KCNIP3: variants seen among roughly 807,000 people sequenced by gnomAD.
KCNIP3 encodes potassium voltage-gated channel interacting protein 3, also known as calsenilin.
KCNIP3 carries 28 observed loss-of-function variants against 35.0 expected under a neutral mutation model. The ratio of observed to expected loss-of-function variants is 0.80; its 90% CI spans 0.59 to 1.10. The LOEUF (loss-of-function observed/expected upper bound fraction) is 1.10, where lower values mean the gene tolerates loss of function less well. Among genes scored for constraint, KCNIP3 ranks in the 50% least tolerant of loss-of-function variants. The probability of loss-of-function intolerance (pLI) is 0.00; values close to 1 mark genes in which losing one functional copy is unlikely to be tolerated. For missense variants in KCNIP3, 295 were observed against 338.4 expected (o/e 0.87, Z 1.01); for synonymous variants, 134 against 133.8 (o/e 1.00, Z -0.01).
intron 2 of KCNIP3, chr2:95,346,692 C>A (rs1028642270): frequency 6.8e-5 from 10 of 146,614 alleles, no homozygotes; most frequent in African/African-American, 2.2e-4. Context: ...ATGGAGGCGC[C>A]GCTGGCCCGC....
intron 5 of KCNIP3, among the ~76,000 whole-genome samples, chr2:95,381,142 G>A (rs756807860): frequency 6.6e-6 from 1 of 152,156 alleles, no homozygotes; most frequent in Non-Finnish European, 1.5e-5. Flanking sequence ...CGTCTCCAGC[G>A]GCAGCACTGC....
intron 2 of KCNIP3, among the ~76,000 whole-genome samples, chr2:95,374,043 C>T (rs1680104514): frequency 6.6e-6 from 1 of 152,228 alleles, no homozygotes; most frequent in Non-Finnish European, 1.5e-5. Flanking sequence ...GTGCGGCTGA[C>T]AGGGGGGCAC....
intron 2 of KCNIP3, among the ~76,000 whole-genome samples, chr2:95,330,086 C>T (rs1678888621): frequency 6.6e-6 from 1 of 152,228 alleles, no homozygotes; most frequent in African/African-American, 2.4e-5. Context: ...GCTGCCGCAG[C>T]AGAAGTGAGC....
intron 1 of KCNIP3, among the ~76,000 whole-genome samples, chr2:95,297,727 G>A (rs1303044830): frequency 2.6e-5 from 4 of 152,054 alleles, no homozygotes; most frequent in African/African-American, 9.7e-5. Flanking sequence ...CTTTGGATGG[G>A]AGAGGTTTAT....
chr2:95,325,796 TAC>T (rs564739481), intron 2 of KCNIP3, among the ~76,000 whole-genome samples: 23 of 141,684 alleles, frequency 1.6e-4, no homozygotes, highest in African/African-American at 3.8e-4. Context: ...TACACACTCA[TAC>T]ACACATACAC....
intron 2 of KCNIP3, among the ~76,000 whole-genome samples, chr2:95,341,142 C>T (rs1279593635): frequency 6.6e-6 from 1 of 152,144 alleles, no homozygotes; most frequent in Non-Finnish European, 1.5e-5. Context: ...TGGATCATGG[C>T]GTTGTTTCTC....
At chr2:95,346,902 T>A (rs1204103879) in intron 2 of KCNIP3, 1 of 437,836 alleles carries the variant, frequency 2.3e-6, no homozygotes, top group Non-Finnish European at 3.6e-6. Flanking sequence ...GCCGGGGGCA[T>A]GTGAGCCGTC....
At chr2:95,315,815 T>C (rs891454575) in intron 2 of KCNIP3, among the ~76,000 whole-genome samples, 4 of 152,272 alleles carry the variant, frequency 2.6e-5, no homozygotes, top group African/African-American at 9.6e-5. Context: ...CAGCAGGTAC[T>C]GTGGGAGTCG....
chr2:95,329,307 C>T (rs1348772019), intron 2 of KCNIP3, among the ~76,000 whole-genome samples: 1 of 152,220 alleles, frequency 6.6e-6, no homozygotes, highest in African/African-American at 2.4e-5. Context: ...TAAGCTGATC[C>T]TGTACTTCGA....
intron 1 of KCNIP3, among the ~76,000 whole-genome samples, chr2:95,300,460 G>A (rs2104194443): frequency 6.6e-6 from 1 of 152,088 alleles, no homozygotes; most frequent in East Asian, 1.9e-4. Flanking sequence ...CAGCCAATGT[G>A]GCTTCTGCAC....
At position 95,324,458 on chromosome 2, in the gene KCNIP3, A is replaced by G. The variant is rs756484818; in HGVS notation, c.181+13938A>G. 4.6e-4 allele frequency among the ~76,000 whole-genome samples: 69 copies of G among 151,528 alleles called. No individual in the cohort carries two copies. The East Asian group carries it at 6.7e-3, about 15-fold the overall frequency. On this transcript the variant is annotated intron_variant, in intron 2 of 8. Coordinates refer to ENST00000295225, the MANE Select transcript of KCNIP3 (RefSeq NM_013434.5). The stretch of plus-strand genomic sequence containing the variant: ...GGGCCCAGGAGGCGGAGCTTGCAGT[A>G]AGCGAGATTGCGCCACTGCACTCCA...
chr2:95,358,941 T>C (rs1028368692), intron 2 of KCNIP3, among the ~76,000 whole-genome samples: 1 of 152,166 alleles, frequency 6.6e-6, no homozygotes, highest in Non-Finnish European at 1.5e-5. Flanking sequence ...GACACCTGCC[T>C]GGGCAACACA....
intron 2 of KCNIP3, among the ~76,000 whole-genome samples, chr2:95,333,587 C>A (rs925904001): frequency 6.6e-6 from 1 of 152,126 alleles, no homozygotes; most frequent in Non-Finnish European, 1.5e-5. Flanking sequence ...TTCTAGAGAC[C>A]GTATGGGCAA....
intron 2 of KCNIP3, among the ~76,000 whole-genome samples, chr2:95,320,383 A>C (rs943926844): frequency 1.4e-4 from 22 of 151,868 alleles, no homozygotes; most frequent in Admixed American, 1.4e-3. Flanking sequence ...CCCTCCTGCC[A>C]CTCACGGCAG....
At chr2:95,342,491 G>T (rs1213929531) in intron 2 of KCNIP3, among the ~76,000 whole-genome samples, 1 of 152,224 alleles carries the variant, frequency 6.6e-6, no homozygotes, top group Admixed American at 6.5e-5. Flanking sequence ...GTTGGCTGCA[G>T]GGGACAGCAA....
chr2:95,344,273 G>GT (rs1295617612), intron 2 of KCNIP3, among the ~76,000 whole-genome samples: 16 of 142,746 alleles, frequency 1.1e-4, no homozygotes, highest in African/African-American at 2.8e-4. Context: ...GGGTGGCGGG[G>GT]TGGGGGGGGG....
chr2:95,304,618 G>A (rs6715813), intron 1 of KCNIP3, among the ~76,000 whole-genome samples: 117,146 of 152,178 alleles, frequency 0.77, 45,608 homozygotes, highest in African/African-American at 0.87. Context: ...ACCCTGGCAA[G>A]CTGCATGAGA....
intron 2 of KCNIP3, among the ~76,000 whole-genome samples, chr2:95,329,970 G>T (rs1384695741): frequency 6.6e-6 from 1 of 152,220 alleles, no homozygotes; most frequent in Non-Finnish European, 1.5e-5. Context: ...TCTGCCGGAG[G>T]CCCCTCTCCC....
rs141559644 is a variant in KCNIP3 at position 95,310,404 on chromosome 2, C to T, written c.65C>T (p.Thr22Ile). 7.9e-5 allele frequency: 128 copies of T among 1,613,612 alleles called. No individual in the cohort carries two copies. In the East Asian group the frequency reaches 2.7e-3, roughly 35 times the overall value. Reference protein sequence around the residue: ...DGSLLGDLGHTPLSKKEGIKW... With the variant: ...DGSLLGDLGHIPLSKKEGIKW... Reference sequence around the variant, plus strand: ...AGCCTCCTGGGGGACCTCGGGCACACACCACTTAGCAAGAAGGAGGGTATC... The same window carrying T: ...AGCCTCCTGGGGGACCTCGGGCACATACCACTTAGCAAGAAGGAGGGTATC... The change falls in exon 2 of 9, where the codon ACA becomes ATA. Residue 22 changes from threonine to isoleucine, a missense_variant. Transcript: ENST00000295225.
Sources: allele counts gnomAD v4.1 joint callset (sites outside exome capture counted in the v4.1 genomes callset), GRCh38; gene constraint gnomAD v4.1.1; transcripts MANE v1.5; gene names NCBI Gene and HGNC (gene_info 2026-07-23, HGNC 2026-07-21).